The following RGL3 variants were observed in gnomAD, a reference collection of about 807,000 sequenced individuals.
RGL3 encodes the protein ral guanine nucleotide dissociation stimulator like 3.
Under a neutral mutation model 90.6 loss-of-function variants are expected in RGL3, and 85 were observed. The ratio of observed to expected loss-of-function variants is 0.94; its 90% CI spans 0.79 to 1.12. RGL3 has a LOEUF of 1.12. Ranked by LOEUF, RGL3 falls within the 50% of genes most tolerant of loss-of-function variation. The pLI is 0.00. For missense variants in RGL3, 1,034 were observed against 939.2 expected, an observed-to-expected ratio of 1.10 and a Z score of -1.32; for synonymous variants, 408 against 385.5, an observed-to-expected ratio of 1.06 and a Z score of -0.68.
At chr19:11,401,430 C>G (rs1968673484) in intron 13 of RGL3, among the ~76,000 whole-genome samples, 2 of 149,658 alleles carry the variant, frequency 1.3e-5, no homozygotes, top group African/African-American at 4.9e-5. Flanking sequence ...GAGTCTCGCT[C>G]TGTTGCCCAG....
rs760966838 is a variant in RGL3 at position 11,419,251 on chromosome 19, C to T, written c.28G>A (p.Ala10Thr). 1.7e-5 allele frequency: 27 copies of T among 1,593,230 alleles called. No homozygotes were observed. Among genetic ancestry groups the T allele is most frequent in the Non-Finnish European group, 2.0e-5 (23 of 1,171,194 alleles). The change falls in exon 1 of 19, where the codon GCC becomes ACC. Residue 10 changes from alanine (A) to threonine (T), a missense_variant. By Grantham distance (58) the Ala-to-Thr change is moderately conservative. Transcript: ENST00000380456. MERTAGKELALAPLQDWGEE... is the reference protein window; with the variant it reads MERTAGKELTLAPLQDWGEE... Reference sequence around the variant, plus strand: ...GGGATCCCTTGTCCCCTTACCAGGGCCAGCTCTTTGCCTGCTGTGCGCTCC... The same window carrying T: ...GGGATCCCTTGTCCCCTTACCAGGGTCAGCTCTTTGCCTGCTGTGCGCTCC...
At position 11,403,341 on chromosome 19, in the gene RGL3, AT is replaced by A. The variant is rs1599433553; in HGVS notation, c.1186-636del. Among the ~76,000 whole-genome samples, 5 of 142,344 alleles carry A rather than the reference AT, an allele frequency of 3.5e-5. No homozygotes were observed. The East Asian group carries it at 1.2e-3, about 35-fold the overall frequency. The allele number at this position is 142,344 out of a possible 152,430, so 93.4% of individuals were successfully genotyped here. On this transcript the variant is annotated intron_variant, in intron 9 of 18. Transcript: ENST00000380456. ...TGAGCCACCGTGCCCGGCCAAAAAA[AT>A]TTTTTTTAAGAAAGGGCTGGACATG...
chr19:11,400,030 G>T lies in RGL3; in HGVS notation c.1649+10C>A, dbSNP rs1968644893. ...TGATCCCCAGTCCCATCACCAAGCA[G>T]AATGCTCACCTGGAGGTGGGGGATG... On this transcript the variant is annotated intron_variant, in intron 15 of 18. Coordinates refer to ENST00000380456, the MANE Select transcript of RGL3 (RefSeq NM_001035223.4). The T allele has an allele frequency of 6.2e-7, 1 of 1,603,172 alleles. No homozygotes were observed. Among genetic ancestry groups the T allele is most frequent in the African/African-American group, 1.3e-5 (1 of 74,150 alleles).
At chr19:11,408,286 G>A (rs961996484) in intron 5 of RGL3, among the ~76,000 whole-genome samples, 1 of 152,118 alleles carries the variant, frequency 6.6e-6, no homozygotes, top group Non-Finnish European at 1.5e-5. Context: ...TTTTGTTTTC[G>A]TTTAAGATCA....
chr19:11,416,216 CT>C (rs143904966), intron 4 of RGL3, 68 bp from the exon 5 acceptor site: 73,493 of 619,034 alleles, frequency 0.12, 280 homozygotes, highest in Non-Finnish European at 0.14. Flanking sequence ...CTCCTGGTAC[CT>C]TTTTTTTTTT....
Position 11,402,261 on chromosome 19 carries a change from G to A in RGL3, c.1330-14C>T. 1 of 1,613,078 alleles carries A rather than the reference G, an allele frequency of 6.2e-7. No homozygotes were observed. Among genetic ancestry groups the A allele is most frequent in the Non-Finnish European group, 8.5e-7 (1 of 1,179,962 alleles). On this transcript the variant is annotated splice_polypyrimidine_tract_variant and intron_variant, in intron 11 of 18. Transcript: ENST00000380456. Reference sequence around the variant, plus strand: ...AATGAGATCCCCCTGGGGGCAAAGTGTGTCTGAATTGCAGCACCCAGGGTC... The same window carrying A: ...AATGAGATCCCCCTGGGGGCAAAGTATGTCTGAATTGCAGCACCCAGGGTC...
chr19:11,400,659 C>T lies in RGL3; in HGVS notation c.1485-362G>A, dbSNP rs1258015692. Among the ~76,000 whole-genome samples the T allele has an allele frequency of 2.6e-5, 4 of 151,816 alleles. No individual in the cohort carries two copies. The East Asian group carries it at 7.7e-4, about 29-fold the overall frequency. ...TTCGGGTCAAGAGTTCGAAACCAGC[C>T]TGGCCAATATAGTGAAACCCCGTCT... On this transcript the variant is annotated intron_variant, in intron 13 of 18. Coordinates refer to ENST00000380456, the MANE Select transcript of RGL3 (RefSeq NM_001035223.4).
At chr19:11,397,861 TAGC>T in intron 16 of RGL3, 1 of 246,344 alleles carries the variant, frequency 4.1e-6, no homozygotes, top group Non-Finnish European at 7.9e-6. Flanking sequence ...ATACAAAAAT[TAGC>T]AGGGCCTGGT....
intron 5 of RGL3, among the ~76,000 whole-genome samples, chr19:11,414,459 ACC>A (rs1968945878): frequency 2.3e-5 from 2 of 87,204 alleles, no homozygotes; most frequent in Admixed American, 1.4e-4. Context: ...ATATATATAT[ACC>A]TTCATATATA....
chr19:11,414,091 G>C (rs1599442451), intron 5 of RGL3, among the ~76,000 whole-genome samples: 1 of 133,442 alleles, frequency 7.5e-6, no homozygotes, highest in East Asian at 2.1e-4. Context: ...GGATACCACA[G>C]TGAACTATGG....
rs141019468 is a variant in RGL3, at chr19:11,400,067, G to A, written c.1622C>T (p.Pro541Leu). 3,574 of 1,610,036 alleles carry A rather than the reference G, an allele frequency of 2.2e-3. 9 individuals carry two copies. The highest frequency in any genetic ancestry group is 6.3e-3 in the Middle Eastern group (38 of 6,024). Residue 541 changes from proline (P) to leucine (L), a missense_variant, in exon 15 of 19, where the codon CCC becomes CTC. By Grantham distance (98) the Pro-to-Leu change is moderately conservative. Transcript: ENST00000380456. ...GGAGGTGGGGGATGAGGGGTCCCCG[G>A]GACTCCCACTAGGTGATGAGCTTTT... ...REKSSSPSGS[P>L]GDPSSPTSSV...
chr19:11,397,634 C>G lies in RGL3; in HGVS notation c.1747-37G>C, dbSNP rs777776627. On this transcript the variant is annotated intron_variant, in intron 16 of 18. Coordinates refer to ENST00000380456, the MANE Select transcript of RGL3 (RefSeq NM_001035223.4). ...AAGGGGTGGAGGCTACAGCTTGGCC[C>G]ATCTGCAGATGCTGAGGGCTAGAAA... 12 of 1,488,544 alleles carry G rather than the reference C, an allele frequency of 8.1e-6. No individual in the cohort carries two copies. In the South Asian group the frequency reaches 1.5e-4, roughly 19 times the overall value. 92.2% of individuals were successfully genotyped at this position (1,488,544 alleles called of 1,614,324 possible).
chr19:11,402,286 C>A (rs773788604), intron 11 of RGL3, 39 bp from the exon 12 acceptor site: 9 of 1,611,176 alleles, frequency 5.6e-6, no homozygotes, highest in Middle Eastern at 3.3e-4. Context: ...CACCCAGGGT[C>A]AAGGGTCAAG....
At chr19:11,404,158 T>C (rs1364768994) in intron 9 of RGL3, among the ~76,000 whole-genome samples, 1 of 152,184 alleles carries the variant, frequency 6.6e-6, no homozygotes, top group East Asian at 1.9e-4. Context: ...GTTGGGATTA[T>C]AGGCGTGAGT....
intron 2 of RGL3, among the ~76,000 whole-genome samples, 156 bp from the exon 3 acceptor site, chr19:11,417,215 G>C (rs549433291): frequency 6.7e-6 from 1 of 150,354 alleles, no homozygotes; most frequent in Admixed American, 6.7e-5. Context: ...GCAGTGGCAC[G>C]ATCTTGGGTC....
At chr19:11,416,775 AG>A (rs761315700) in intron 3 of RGL3, 60 bp downstream of exon 3, 1 of 1,599,174 alleles carries the variant, frequency 6.3e-7, no homozygotes, top group Non-Finnish European at 8.6e-7. Context: ...GAGGAGGTGG[AG>A]GGGGGTGCCC....
chr19:11,407,047 G>A lies in RGL3; in HGVS notation c.638-183C>T, dbSNP rs1418149855. On this transcript the variant is annotated intron_variant, in intron 5 of 18. Transcript: ENST00000380456. ...GTTGCCCAAGCTGGAGTACAATGGC[G>A]CAATCTCAGCTGACCACAACCTCCG... is the stretch of plus-strand genomic sequence containing the variant. 1.2e-4 allele frequency: 66 copies of A among 548,642 alleles called. 1 individual carries two copies. In the East Asian group the frequency reaches 1.8e-3, roughly 15 times the overall value. 34.0% of individuals were successfully genotyped at this position (548,642 alleles called of 1,614,324 possible). A position where few individuals can be genotyped will look rare whatever the true frequency, so the allele number is the denominator to read the frequency against.
chr19:11,401,131 G>A (rs576671773), intron 13 of RGL3, among the ~76,000 whole-genome samples: 3 of 152,120 alleles, frequency 2.0e-5, no homozygotes, highest in Admixed American at 2.0e-4. Context: ...GAAGTCAACA[G>A]ATGGGACAGT....
In RGL3 at chr19:11,400,278, T is replaced by A. The variant is rs773443505; in HGVS notation, c.1504A>T (p.Ile502Phe). The change falls in exon 14 of 19, where the codon ATT becomes TTT. Residue 502 changes from isoleucine (I) to phenylalanine (F), a missense_variant. Transcript: ENST00000380456. Reference sequence around the variant, plus strand: ...GGGCAGGAGGCAGCTGGTGGCTCAATGACCCGGGAGAGCCGGTAGCTGAGG... The same window carrying A: ...GGGCAGGAGGCAGCTGGTGGCTCAAAGACCCGGGAGAGCCGGTAGCTGAGG... ...EEQSYRLSRV[I>F]EPPAASCPSS... 6.3e-7 allele frequency: 1 copy of A among 1,594,716 alleles called. No homozygotes were observed. The highest frequency in any genetic ancestry group is 8.5e-7 in the Non-Finnish European group (1 of 1,170,340).
Sources: gnomAD v4.1 joint callset for allele counts (sites outside exome capture counted in the v4.1 genomes callset) on GRCh38, gnomAD v4.1.1 for gene constraint, MANE v1.5 for transcripts, NCBI Gene and HGNC (gene_info 2026-07-23, HGNC 2026-07-21) for gene names.